PLA2G4F: variants seen among roughly 807,000 people sequenced by gnomAD.
PLA2G4F encodes the protein cytosolic phospholipase A2 zeta.
Under a neutral mutation model 103.1 loss-of-function variants are expected in PLA2G4F, and 105 were observed. The observed-to-expected ratio is 1.02, with a 90% CI of 0.87 to 1.20. The LOEUF is 1.20. Among genes scored for constraint, PLA2G4F ranks in the 50% most tolerant of loss-of-function variants. The pLI is 0.00. For missense variants in PLA2G4F, 1,155 were observed against 1,075.9 expected, an observed-to-expected ratio of 1.07 and a Z score of -1.03; for synonymous variants, 468 against 441.1, an observed-to-expected ratio of 1.06 and a Z score of -0.76.
chr15:42,143,651 G>A (rs2048847759), intron 18 of PLA2G4F, among the ~76,000 whole-genome samples: 1 of 152,174 alleles, frequency 6.6e-6, no homozygotes, highest in Non-Finnish European at 1.5e-5. Flanking sequence ...GCTGGAGTGG[G>A]GAAATCTGTC....
intron 7 of PLA2G4F, chr15:42,151,512 C>T (rs2048962639): frequency 1.0e-6 from 1 of 985,120 alleles, no homozygotes; most frequent in Non-Finnish European, 1.2e-6. Context: ...CCAGGAGTCC[C>T]AGCCCCTAAC....
At chr15:42,144,838 C>T (rs1393999273) in intron 16 of PLA2G4F, among the ~76,000 whole-genome samples, 194 bp from the exon 17 acceptor site, 1 of 152,200 alleles carries the variant, frequency 6.6e-6, no homozygotes, top group Non-Finnish European at 1.5e-5. Context: ...TTTGTATCCT[C>T]TATGTTTTGA....
intron 11 of PLA2G4F, chr15:42,148,632 G>A (rs1173246850): frequency 1.0e-6 from 1 of 985,222 alleles, no homozygotes; most frequent in Non-Finnish European, 1.2e-6. Flanking sequence ...GCACCACCGA[G>A]CTAAAGTGAC....
At chr15:42,153,364 T>G in intron 5 of PLA2G4F, 22 bp from the exon 6 acceptor site, 3 of 1,611,678 alleles carry the variant, frequency 1.9e-6, no homozygotes, top group South Asian at 1.1e-5. Context: ...GAGGAATACA[T>G]GGAGAATACA....
chr15:42,146,206 C>G lies in PLA2G4F; in HGVS notation c.1455G>C (p.Ala485=), dbSNP rs138898478. The G allele has an allele frequency of 1.9e-6, 3 of 1,614,112 alleles. No individual in the cohort carries two copies. The highest frequency in any genetic ancestry group is 2.2e-5 in the East Asian group (1 of 44,898). The part of the protein sequence containing the change: ...NPAKLSDQQE[A]VRQGQNPYPI... The stretch of plus-strand genomic sequence containing the variant: ...GGTAAGGGTTCTGACCCTGGCGGAC[C>G]GCCTCCTGTTGGTCAGACAGCTTGG... Residue 485 remains alanine, a synonymous_variant, in exon 14 of 20, where the codon GCG becomes GCC. Transcript: ENST00000397272.
In PLA2G4F at chr15:42,143,986, G is replaced by A; in HGVS notation, c.2134C>T (p.Pro712Ser). 6.2e-7 allele frequency: 1 copy of A among 1,603,294 alleles called. No homozygotes were observed. ...CCTGCCTCCCAGCTCACCTCAAAAG[G>A]GGCTTCCAAGGAATAGTCAAAGGAC... ...ILSFDYSLEA[P>S]FEVLKMTEKY... The change falls in exon 18 of 20, where the codon CCT becomes TCT. Residue 712 changes from proline to serine, a missense_variant. This residue lies in a region of PLA2G4F where 782 missense variants were observed against 692.9 expected (regional missense o/e 1.13). Transcript: ENST00000397272.
intron 13 of PLA2G4F, 117 bp from the exon 14 acceptor site, chr15:42,146,358 C>T: frequency 3.1e-6 from 3 of 954,412 alleles, no homozygotes; most frequent in Non-Finnish European, 3.2e-6. Flanking sequence ...CTTTGGGTCG[C>T]CAAGGCCAGT....
Position 42,141,244 on chromosome 15 carries a change from TAC to T in PLA2G4F, c.*738_*739del. On this transcript the variant is annotated 3_prime_UTR_variant, in exon 20 of 20. Transcript: ENST00000397272. ...GACTATATTTGCATGATGTGGCCAC[TAC>T]ACACATCACCAGAGACTGTGGTCCA... 2.2e-6 allele frequency: 1 copy of T among 456,604 alleles called. No homozygotes were observed. Among genetic ancestry groups the T allele is most frequent in the African/African-American group, 2.0e-5 (1 of 50,158 alleles). 28.3% of individuals were successfully genotyped at this position (456,604 alleles called of 1,614,324 possible). A position where few individuals can be genotyped will look rare whatever the true frequency, so the allele number is the denominator to read the frequency against.
At chr15:42,154,595 TGGAG>T in intron 2 of PLA2G4F, 137 bp from the exon 3 acceptor site, 2 of 970,268 alleles carry the variant, frequency 2.1e-6, no homozygotes, top group Non-Finnish European at 2.9e-6. Flanking sequence ...GGTGAGGAGG[TGGAG>T]GGAGAGCCTT....
Position 42,144,499 on chromosome 15 carries a change from G to T in PLA2G4F, c.1926C>A (p.Leu642=), listed in dbSNP as rs2048859382. 1 of 1,612,286 alleles carries T rather than the reference G, an allele frequency of 6.2e-7. No homozygotes were observed. The highest frequency in any genetic ancestry group is 1.1e-5 in the South Asian group (1 of 91,002). ...SAQSFNFTRG[L]CLHKDYVAGR... is the part of the protein sequence containing the mutation. Reference sequence around the variant, plus strand: ...CAGCCACATAGTCCTTGTGCAAGCAGAGACCCCGGGTGAAGTTAAAGCTCT... The same window carrying T: ...CAGCCACATAGTCCTTGTGCAAGCATAGACCCCGGGTGAAGTTAAAGCTCT... Residue 642 remains leucine, a synonymous_variant, in exon 17 of 20, where the codon CTC becomes CTA. Coordinates refer to ENST00000397272, the MANE Select transcript of PLA2G4F (RefSeq NM_213600.4).
chr15:42,142,089 C>T lies in PLA2G4F; in HGVS notation c.2445G>A (p.Leu815=). The T allele has an allele frequency of 6.2e-7, 1 of 1,614,228 alleles. No individual in the cohort carries two copies. The highest frequency in any genetic ancestry group is 8.5e-7 in the Non-Finnish European group (1 of 1,180,030). ...GGACGTTGTATCGACTGAGGGCCAC[C>T]AGCCGATAAAAGTCCTGGGGCTCAT... ...FTYEPQDFYR[L]VALSRYNVLN... The change falls in exon 20 of 20, where the codon CTG becomes CTA. Residue 815 remains leucine, a synonymous_variant. Coordinates refer to ENST00000397272, the MANE Select transcript of PLA2G4F (RefSeq NM_213600.4).
At position 42,141,874 on chromosome 15, in the gene PLA2G4F, A is replaced by G. The variant is rs2048829152; in HGVS notation, c.*110T>C. The G allele has an allele frequency of 1.7e-6, 2 of 1,175,608 alleles. No homozygotes were observed. Among genetic ancestry groups the G allele is most frequent in the African/African-American group, 1.5e-5 (1 of 65,552 alleles). The allele number at this position is 1,175,608 out of a possible 1,614,324, so 72.8% of individuals were successfully genotyped here. On this transcript the variant is annotated 3_prime_UTR_variant, in exon 20 of 20. Coordinates refer to ENST00000397272, the MANE Select transcript of PLA2G4F (RefSeq NM_213600.4). ...TGGGGCACCTCGAGGCAGGTCCTGG[A>G]GAGAAGGGAAGCAGATCCTGCACAG... is the stretch of plus-strand genomic sequence containing the variant.
intron 2 of PLA2G4F, among the ~76,000 whole-genome samples, chr15:42,155,018 AC>A (rs2049000046): frequency 6.6e-6 from 1 of 152,072 alleles, no homozygotes; most frequent in African/African-American, 2.4e-5. Context: ...GTATATACAC[AC>A]ACTCGTACTC....
At chr15:42,152,660 A>G in intron 7 of PLA2G4F, 28 bp downstream of exon 7, 2 of 1,552,358 alleles carry the variant, frequency 1.3e-6, no homozygotes, top group Non-Finnish European at 1.7e-6. Context: ...GAGAAGGCAA[A>G]AGACCCAAGG....
At position 42,141,474 on chromosome 15, in the gene PLA2G4F, C is replaced by T; in HGVS notation, c.*510G>A. 2 of 440,322 alleles carry T rather than the reference C, an allele frequency of 4.5e-6. No individual in the cohort carries two copies. Among genetic ancestry groups the T allele is most frequent in the South Asian group, 1.6e-5 (1 of 61,732 alleles). 27.3% of individuals were successfully genotyped at this position (440,322 alleles called of 1,614,324 possible). A position where few individuals can be genotyped will look rare whatever the true frequency, so the allele number is the denominator to read the frequency against. On this transcript the variant is annotated 3_prime_UTR_variant, in exon 20 of 20. Transcript: ENST00000397272. Reference sequence around the variant, plus strand: ...AACATAGGCTGGCCATCCCCTCAGCCCCTCATTGTTCTTGATAGCAGTGCA... The same window carrying T: ...AACATAGGCTGGCCATCCCCTCAGCTCCTCATTGTTCTTGATAGCAGTGCA...
chr15:42,145,736 C>T, intron 15 of PLA2G4F, 30 bp downstream of exon 15: 1 of 1,613,820 alleles, frequency 6.2e-7, no homozygotes, highest in African/African-American at 1.3e-5. Flanking sequence ...CCGGCACCTG[C>T]CTGTCCCCAG....
At chr15:42,154,566 C>T (rs750448959) in intron 2 of PLA2G4F, 108 bp from the exon 3 acceptor site, 171 of 1,301,228 alleles carry the variant, frequency 1.3e-4, no homozygotes, top group South Asian at 8.7e-4. Flanking sequence ...GAGGGGAAGC[C>T]GCCCACGTGG....
chr15:42,148,772 T>C (rs1259308931), intron 11 of PLA2G4F: 1 of 985,294 alleles, frequency 1.0e-6, no homozygotes, highest in Non-Finnish European at 1.2e-6. Flanking sequence ...CCAGTAAGAT[T>C]TGGCTCATTC....
At chr15:42,154,548 A>G in intron 2 of PLA2G4F, 90 bp from the exon 3 acceptor site, 2 of 1,409,254 alleles carry the variant, frequency 1.4e-6, no homozygotes, top group Non-Finnish European at 1.9e-6. Flanking sequence ...GGGAAGGAGC[A>G]GAGTGGGGAG....
Sources: gnomAD v4.1 joint callset for allele counts (sites outside exome capture counted in the v4.1 genomes callset) on GRCh38, gnomAD v4.1.1 for gene constraint, gnomAD v4.1.1 regional missense constraint, MANE v1.5 for transcripts, NCBI Gene and HGNC (gene_info 2026-07-23, HGNC 2026-07-21) for gene names.